CYP19A1: variants seen among roughly 807,000 people sequenced by gnomAD.
CYP19A1 encodes aromatase.
Under a neutral mutation model 44.4 loss-of-function variants are expected in CYP19A1, and 32 were observed. The observed-to-expected ratio is 0.72, with a 90% CI of 0.54 to 0.97. The LOEUF (loss-of-function observed/expected upper bound fraction) is 0.97. Among genes scored for constraint, CYP19A1 ranks in the 50% least tolerant of loss-of-function variants. The pLI is 0.00. For missense variants in CYP19A1, 598 were observed against 637.8 expected (o/e 0.94, Z 0.67); for synonymous variants, 212 against 215.6 (o/e 0.98, Z 0.14).
At chr15:51,267,213 T>C (rs1041781271) in intron 1 of CYP19A1, among the ~76,000 whole-genome samples, 6 of 152,144 alleles carry the variant, frequency 3.9e-5, no homozygotes, top group Non-Finnish European at 7.4e-5. Context: ...TTGTGTCCCA[T>C]TCACAGCTGG....
intron 1 of CYP19A1, chr15:51,312,624 A>G (rs913555979): frequency 6.6e-6 from 1 of 152,282 alleles, no homozygotes; most frequent in Non-Finnish European, 1.5e-5. Context: ...CGATTATCCC[A>G]CATTTGCAGA....
intron 1 of CYP19A1, among the ~76,000 whole-genome samples, chr15:51,275,238 G>A (rs974984352): frequency 6.6e-6 from 1 of 152,172 alleles, no homozygotes; most frequent in Non-Finnish European, 1.5e-5. Context: ...TGGCCACCAC[G>A]GCCACAGCCT....
intron 1 of CYP19A1, among the ~76,000 whole-genome samples, chr15:51,282,332 G>A (rs533885916): frequency 2.6e-5 from 4 of 152,230 alleles, no homozygotes; most frequent in East Asian, 3.9e-4. Context: ...AAAACCCCTC[G>A]TGGCCTCTGG....
rs141853734 is a variant in CYP19A1, at chr15:51,335,772, C to T, written c.-39+2723G>A. Among the ~76,000 whole-genome samples the T allele has an allele frequency of 4.8e-3, 732 of 152,290 alleles. 1 individual carries two copies. Among genetic ancestry groups the T allele is most frequent in the Non-Finnish European group, 8.0e-3 (543 of 68,018 alleles). On this transcript the variant is annotated intron_variant, in intron 1 of 9. Transcript: ENST00000396402. ...CCGACTCCTCCCCATCCCACACACA[C>T]GTAAAACTCCTCATTTGTTTCCCAT...
At chr15:51,222,561 A>T in intron 4 of CYP19A1, 36 bp from the exon 5 acceptor site, 3 of 1,560,554 alleles carry the variant, frequency 1.9e-6, no homozygotes, top group Non-Finnish European at 2.6e-6. Context: ...GCCATCACGA[A>T]CTCCAGGGCA....
chr15:51,287,385 A>G (rs1418827723), intron 1 of CYP19A1, among the ~76,000 whole-genome samples: 3 of 152,182 alleles, frequency 2.0e-5, no homozygotes, highest in Admixed American at 6.5e-5. Flanking sequence ...GTTCTCTGGC[A>G]TATCAGGCAG....
In CYP19A1 at chr15:51,298,364, G is replaced by A. The variant is rs535746401; in HGVS notation, c.-39+40131C>T. ...AATAATTTAGTTTTATGGAGCCCAT[G>A]CTAAGAAAAATAAAGTGTGATAATC... On this transcript the variant is annotated intron_variant, in intron 1 of 9. Transcript: ENST00000396402. 8.5e-5 allele frequency among the ~76,000 whole-genome samples: 13 copies of A among 152,276 alleles called. 1 individual carries two copies. The East Asian group carries it at 2.5e-3, about 29-fold the overall frequency.
At chr15:51,301,283 C>A (rs1274549584) in intron 1 of CYP19A1, among the ~76,000 whole-genome samples, 1 of 152,212 alleles carries the variant, frequency 6.6e-6, no homozygotes, top group Non-Finnish European at 1.5e-5. Flanking sequence ...TCTTTGTTCT[C>A]CTGTATGGCT....
chr15:51,210,846 A>C lies in CYP19A1; in HGVS notation c.1474T>G (p.Phe492Val), dbSNP rs762061432. The stretch of plus-strand genomic sequence containing the variant: ...CACCTGTCTGAGTTTCTTGGGGTAA[A>C]GATCATTTCCAGCATGTTTTTAGTC... ...DETKNMLEMI[F>V]TPRNSDRCLE... Residue 492 changes from phenylalanine (F) to valine (V), a missense_variant, in exon 10 of 10, where the codon TTT becomes GTT. Physicochemically the swap from Phe to Val is conservative, Grantham distance 50. Coordinates refer to ENST00000396402, the MANE Select transcript of CYP19A1 (RefSeq NM_000103.4). 1.3e-6 allele frequency: 2 copies of C among 1,599,214 alleles called. No individual in the cohort carries two copies. The highest frequency in any genetic ancestry group is 1.7e-6 in the Non-Finnish European group (2 of 1,166,430).
In CYP19A1 at chr15:51,210,522, AGCACATTT is replaced by A; in HGVS notation, c.*278_*285del. ...GTTAATGAAGGCCTATCCTTCTCAA[AGCACATTT>A]GGTGGAATCGGGTCTTTATGGATAC... On this transcript the variant is annotated 3_prime_UTR_variant, in exon 10 of 10. Transcript: ENST00000396402. 1 of 581,200 alleles carries A rather than the reference AGCACATTT, an allele frequency of 1.7e-6. No individual in the cohort carries two copies. Among genetic ancestry groups the A allele is most frequent in the Admixed American group, 2.2e-5 (1 of 46,240 alleles). The allele number at this position is 581,200 out of a possible 1,614,324, so 36.0% of individuals were successfully genotyped here.
At chr15:51,262,719 G>A (rs1012451567) in intron 1 of CYP19A1, among the ~76,000 whole-genome samples, 1 of 152,176 alleles carries the variant, frequency 6.6e-6, no homozygotes, top group Non-Finnish European at 1.5e-5. Flanking sequence ...AAATATAGTT[G>A]CACACTTAAA....
At chr15:51,287,351 C>T (rs955105626) in intron 1 of CYP19A1, among the ~76,000 whole-genome samples, 2 of 152,286 alleles carry the variant, frequency 1.3e-5, no homozygotes, top group Admixed American at 6.5e-5. Context: ...GCATTACTAA[C>T]GCAATGCGAA....
At chr15:51,263,198 A>C (rs1031408957) in intron 1 of CYP19A1, among the ~76,000 whole-genome samples, 3 of 152,102 alleles carry the variant, frequency 2.0e-5, no homozygotes, top group Non-Finnish European at 4.4e-5. Flanking sequence ...CAAACAAAAA[A>C]CCCCTATTTT....
chr15:51,236,729 T>C, intron 3 of CYP19A1, 130 bp downstream of exon 3: 1 of 1,144,866 alleles, frequency 8.7e-7, no homozygotes, highest in Non-Finnish European at 1.3e-6. Flanking sequence ...TGGGGATTGC[T>C]CACTTCATTT....
chr15:51,280,085 G>T, intron 1 of CYP19A1: 1 of 152,122 alleles, frequency 6.6e-6, no homozygotes, highest in Non-Finnish European at 1.5e-5. Context: ...TTTGTACTTT[G>T]GACTTAGATC....
At chr15:51,238,378 T>A (rs1469255410) in intron 2 of CYP19A1, among the ~76,000 whole-genome samples, 1 of 152,254 alleles carries the variant, frequency 6.6e-6, no homozygotes, top group East Asian at 1.9e-4. Context: ...TAATATAATA[T>A]CTCACTGGAT....
chr15:51,283,840 C>T (rs895319642), intron 1 of CYP19A1, among the ~76,000 whole-genome samples: 1 of 152,200 alleles, frequency 6.6e-6, no homozygotes, highest in Non-Finnish European at 1.5e-5. Context: ...AGCCAGTGCC[C>T]TCACAAGCGT....
At chr15:51,262,820 T>C (rs2034780071) in intron 1 of CYP19A1, among the ~76,000 whole-genome samples, 1 of 152,134 alleles carries the variant, frequency 6.6e-6, no homozygotes, top group Admixed American at 6.5e-5. Context: ...ATGAACCCAT[T>C]GGGTAGGAAT....
chr15:51,279,011 T>C (rs1334748951), intron 1 of CYP19A1: 1 of 152,194 alleles, frequency 6.6e-6, no homozygotes, highest in Non-Finnish European at 1.5e-5. Context: ...TGCAAGATCT[T>C]TGGAGGCAAA....
Sources: allele counts gnomAD v4.1 joint callset (sites outside exome capture counted in the v4.1 genomes callset), GRCh38; gene constraint gnomAD v4.1.1; transcripts MANE v1.5; gene names NCBI Gene and HGNC (gene_info 2026-07-23, HGNC 2026-07-21).